SPAG6: variants seen among roughly 807,000 people sequenced by gnomAD.
SPAG6 encodes sperm associated antigen 6.
In SPAG6, 49 loss-of-function variants were observed where a neutral mutation model predicts 58.5. That is an observed-to-expected ratio of 0.84 (90% confidence interval 0.67 to 1.06). SPAG6 has a LOEUF of 1.06. Ranked by LOEUF, SPAG6 falls within the 50% of genes least tolerant of loss-of-function variation. The pLI is 0.00. For missense variants in SPAG6, 560 were observed against 611.3 expected, an observed-to-expected ratio of 0.92 and a Z score of 0.89; for synonymous variants, 233 against 225.6, an observed-to-expected ratio of 1.03 and a Z score of -0.29.
intron 9 of SPAG6, among the ~76,000 whole-genome samples, chr10:22,405,369 G>A (rs1834525684): frequency 6.6e-6 from 1 of 151,696 alleles, no homozygotes; most frequent in Non-Finnish European, 1.5e-5. Context: ...TTTGTCAAAG[G>A]CCTTTTCTGC....
chr10:22,409,817 T>G (rs1834684873), intron 9 of SPAG6, among the ~76,000 whole-genome samples: 1 of 152,166 alleles, frequency 6.6e-6, no homozygotes, highest in South Asian at 2.1e-4. Flanking sequence ...AATTTCTTCA[T>G]TTCCACTGGC....
chr10:22,366,822 T>A (rs1226747819), intron 3 of SPAG6, among the ~76,000 whole-genome samples: 2 of 152,182 alleles, frequency 1.3e-5, no homozygotes, highest in Non-Finnish European at 1.5e-5. Flanking sequence ...AGAAGTTTTC[T>A]AAGTTGAATA....
At chr10:22,371,649 C>G (rs562167099) in intron 4 of SPAG6, among the ~76,000 whole-genome samples, 1 of 152,082 alleles carries the variant, frequency 6.6e-6, no homozygotes, top group East Asian at 1.9e-4. Context: ...TAGTGAAAAA[C>G]TGTTTGGTTA....
intron 4 of SPAG6, among the ~76,000 whole-genome samples, chr10:22,385,379 G>C (rs1473664035): frequency 6.6e-6 from 1 of 152,078 alleles, no homozygotes; most frequent in East Asian, 1.9e-4. Context: ...TTTAAAAACA[G>C]AGCAAAACAA....
intron 2 of SPAG6, among the ~76,000 whole-genome samples, chr10:22,353,695 C>T (rs568425997): frequency 7.2e-5 from 11 of 152,286 alleles, no homozygotes; most frequent in Non-Finnish European, 1.0e-4. Flanking sequence ...ATGCAAAAAT[C>T]GGAGGCATAG....
Position 22,345,727 on chromosome 10 carries a change from C to G in SPAG6, c.30C>G (p.Phe10Leu), listed in dbSNP as rs1243117376. ...CACCGACTCTCTCTCCCGCAGTGTT[C>G]GAGCAATACCAGAAGGCCAGGACCC... MSQRQVLQV[F>L]EQYQKARTQF... Residue 10 changes from phenylalanine (F) to leucine (L), a missense_variant, in exon 2 of 11, where the codon TTC becomes TTG. Coordinates refer to ENST00000376624, the MANE Select transcript of SPAG6 (RefSeq NM_012443.4). The surrounding 1 kb of genome is among the most constrained non-coding windows in gnomAD (Gnocchi z 6.3). The G allele has an allele frequency of 2.5e-6, 4 of 1,611,886 alleles. No individual in the cohort carries two copies. The highest frequency in any genetic ancestry group is 3.4e-6 in the Non-Finnish European group (4 of 1,179,182).
chr10:22,360,823 T>C (rs1458214999), intron 2 of SPAG6: 4 of 1,534,228 alleles, frequency 2.6e-6, no homozygotes, highest in South Asian at 2.4e-5. Flanking sequence ...TAAATTTCCA[T>C]GCATTCACTC....
chr10:22,391,673 G>A (rs1043767440), intron 7 of SPAG6, 56 bp from the exon 8 acceptor site: 1 of 1,486,912 alleles, frequency 6.7e-7, no homozygotes, highest in Non-Finnish European at 9.2e-7. Context: ...AGACATGGAA[G>A]ACTCTTTAAT....
At chr10:22,412,255 A>G (rs1834759460) in intron 10 of SPAG6, among the ~76,000 whole-genome samples, 1 of 152,244 alleles carries the variant, frequency 6.6e-6, no homozygotes, top group African/African-American at 2.4e-5. Flanking sequence ...TTTGATTAAT[A>G]TTGGAAAATA....
chr10:22,403,049 G>A (rs1479358708), intron 9 of SPAG6, among the ~76,000 whole-genome samples: 1 of 152,144 alleles, frequency 6.6e-6, no homozygotes, highest in East Asian at 1.9e-4. Context: ...ATGTGTGGAA[G>A]TTAGACAGCC....
chr10:22,346,440 T>C (rs560206970), intron 2 of SPAG6, among the ~76,000 whole-genome samples: 2 of 127,210 alleles, frequency 1.6e-5, no homozygotes, highest in South Asian at 2.6e-4. Context: ...GTTCTTCTTC[T>C]TCTTCTTCTT....
At chr10:22,374,415 A>G (rs1483435575) in intron 4 of SPAG6, among the ~76,000 whole-genome samples, 1 of 152,154 alleles carries the variant, frequency 6.6e-6, no homozygotes, top group African/African-American at 2.4e-5. Context: ...GACACAATGT[A>G]CAATACTGTA....
rs1017869595 is a variant in SPAG6 at position 22,412,574 on chromosome 10, A to G, written c.1460+1398A>G. 3 of 923,188 alleles carry G rather than the reference A, an allele frequency of 3.2e-6. No individual in the cohort carries two copies. The African/African-American group carries it at 5.0e-5, about 15-fold the overall frequency. 57.2% of individuals were successfully genotyped at this position (923,188 alleles called of 1,614,324 possible). A position where few individuals can be genotyped will look rare whatever the true frequency, so the allele number is the denominator to read the frequency against. The stretch of plus-strand genomic sequence containing the variant: ...TGATACATCAAAGCAGTGATATATC[A>G]TAACATGTATAATTAGTCTACATAT... On this transcript the variant is annotated intron_variant, in intron 10 of 10. Transcript: ENST00000376624.
chr10:22,393,649 A>T (rs1327114358), intron 8 of SPAG6, among the ~76,000 whole-genome samples: 5 of 152,202 alleles, frequency 3.3e-5, no homozygotes, highest in African/African-American at 1.2e-4. Flanking sequence ...TAAGTGAAAA[A>T]GTGGGATCTT....
chr10:22,374,011 G>A (rs1049480155), intron 4 of SPAG6, among the ~76,000 whole-genome samples: 1 of 152,036 alleles, frequency 6.6e-6, no homozygotes, highest in Non-Finnish European at 1.5e-5. Context: ...GTTATTTTTA[G>A]GGTTCACTTT....
At chr10:22,401,089 T>C (rs113982308) in intron 8 of SPAG6, 72 bp from the exon 9 acceptor site, 1 of 727,860 alleles carries the variant, frequency 1.4e-6, no homozygotes, top group South Asian at 1.7e-5. Context: ...ATTCCAGGAA[T>C]GTCAGATTTG....
intron 2 of SPAG6, among the ~76,000 whole-genome samples, chr10:22,355,113 A>G (rs1230929792): frequency 1.3e-5 from 2 of 152,252 alleles, no homozygotes; most frequent in Admixed American, 6.5e-5. Flanking sequence ...TGTGAATTCA[A>G]CAGACTATAT....
intron 10 of SPAG6, among the ~76,000 whole-genome samples, chr10:22,412,142 A>G (rs1442390117): frequency 6.6e-6 from 1 of 151,786 alleles, no homozygotes; most frequent in Non-Finnish European, 1.5e-5. Flanking sequence ...AGCCACCGCG[A>G]CCGCCCGGCC....
chr10:22,349,178 A>G (rs913799488), intron 2 of SPAG6, among the ~76,000 whole-genome samples: 2 of 151,718 alleles, frequency 1.3e-5, no homozygotes, highest in African/African-American at 4.8e-5. Flanking sequence ...CAAAATTATT[A>G]CTAGAAAGAA....
Sources: allele counts gnomAD v4.1 joint callset (sites outside exome capture counted in the v4.1 genomes callset), GRCh38; gene constraint gnomAD v4.1.1; non-coding constraint Gnocchi (gnomAD v3.1); transcripts MANE v1.5; gene names NCBI Gene and HGNC (gene_info 2026-07-23, HGNC 2026-07-21).